The following PLXNA4 variants were observed in gnomAD, a reference collection of about 807,000 sequenced individuals.
PLXNA4 encodes plexin-A4.
A neutral mutation model predicts 191.8 loss-of-function variants in PLXNA4; 44 were observed. The ratio of observed to expected loss-of-function variants is 0.23; its 90% CI spans 0.18 to 0.29. PLXNA4 has a LOEUF of 0.29. PLXNA4 is among the 10% of genes least tolerant of loss of function. The pLI, the probability that PLXNA4 is intolerant of heterozygous loss-of-function variation, is 1.00. For synonymous variants in PLXNA4, 1,082 were observed against 1,009.5 expected (o/e 1.07, Z -1.36); for missense variants, 1,800 against 2,488.8 (o/e 0.72, Z 5.89).
rs143658006 is a variant in PLXNA4 at position 132,260,698 on chromosome 7, G to A, written c.1504-19532C>T. Among the ~76,000 whole-genome samples, 696 of 152,162 alleles carry A rather than the reference G, an allele frequency of 4.6e-3. 5 individuals are homozygous for A. The highest frequency in any genetic ancestry group is 0.016 in the African/African-American group (671 of 41,510). ...ATTAAAAAAAAAAAAAGGATCTGTG[G>A]TTTTCAGGGGTTGGACGGGGTTGTG... is the stretch of plus-strand genomic sequence containing the variant. On this transcript the variant is annotated intron_variant, in intron 4 of 31. Transcript: ENST00000321063.
At chr7:132,579,523 C>CTTTTT (rs540721748), upstream of PLXNA4, among the ~76,000 whole-genome samples, 5 of 126,188 alleles carry the variant, frequency 4.0e-5, no homozygotes, top group African/African-American at 1.5e-4. Flanking sequence ...AGTCAAAGAC[C>CTTTTT]TTTTTTTTTT....
chr7:132,293,663 A>G (rs1374608579), intron 4 of PLXNA4, among the ~76,000 whole-genome samples: 2 of 152,236 alleles, frequency 1.3e-5, no homozygotes, highest in Non-Finnish European at 2.9e-5. Context: ...CTGGTATGTA[A>G]GAATGGACAG....
chr7:132,564,499 G>T (rs1296816922), intron 1 of PLXNA4, among the ~76,000 whole-genome samples: 1 of 151,822 alleles, frequency 6.6e-6, no homozygotes, highest in African/African-American at 2.4e-5. Context: ...CCCTCTTCAT[G>T]CCCCAGTCTC....
intron 2 of PLXNA4, among the ~76,000 whole-genome samples, chr7:132,496,881 C>G (rs1798038490): frequency 6.6e-6 from 1 of 152,174 alleles, no homozygotes; most frequent in Admixed American, 6.5e-5. Flanking sequence ...AACCAACTCT[C>G]CCCTCCCAAG....
chr7:132,504,125 A>G (rs1384326055), intron 2 of PLXNA4, among the ~76,000 whole-genome samples: 2 of 152,198 alleles, frequency 1.3e-5, no homozygotes, highest in African/African-American at 4.8e-5. Context: ...CTCCAATGGG[A>G]GCACAGCCGG....
chr7:132,288,979 G>A (rs575326787), intron 4 of PLXNA4, among the ~76,000 whole-genome samples: 3 of 152,262 alleles, frequency 2.0e-5, no homozygotes, highest in South Asian at 2.1e-4. Flanking sequence ...TCACACAGGG[G>A]GTCCCTGGTG....
At chr7:132,139,233 A>AAAAAC (rs10658486) in intron 30 of PLXNA4, among the ~76,000 whole-genome samples, 6,497 of 152,266 alleles carry the variant, frequency 0.043, 247 homozygotes, top group African/African-American at 0.1. Flanking sequence ...GGGGAGAGGG[A>AAAAAC]AAAACAAAAT....
chr7:132,397,904 G>A (rs1438055461), intron 3 of PLXNA4, among the ~76,000 whole-genome samples: 4 of 152,238 alleles, frequency 2.6e-5, no homozygotes, highest in Non-Finnish European at 4.4e-5. Context: ...CAACCGGAAG[G>A]AAATTGGAAT....
chr7:132,248,617 T>G (rs1799139895), intron 4 of PLXNA4, among the ~76,000 whole-genome samples: 1 of 152,164 alleles, frequency 6.6e-6, no homozygotes, highest in Non-Finnish European at 1.5e-5. Flanking sequence ...CAGAAATTAT[T>G]GAAAGCCAGA....
chr7:132,623,321 G>C (rs1803307443), intron 2 of PLXNA4, among the ~76,000 whole-genome samples: 1 of 151,526 alleles, frequency 6.6e-6, no homozygotes, highest in Non-Finnish European at 1.5e-5. Flanking sequence ...ACTCCAGCCT[G>C]GGTGACAAGA....
rs758095567 is a variant in PLXNA4, at chr7:132,431,842, C to G, written c.1371+57450G>C. On this transcript the variant is annotated intron_variant, in intron 3 of 31. Coordinates refer to ENST00000321063, the MANE Select transcript of PLXNA4 (RefSeq NM_020911.2). Reference sequence around the variant, plus strand: ...GAGATAATGTGTGTTCAGCACAGACCGTAGCCCAGTGCTACAGAGGAATCT... The same window carrying G: ...GAGATAATGTGTGTTCAGCACAGACGGTAGCCCAGTGCTACAGAGGAATCT... Among the ~76,000 whole-genome samples, 6 of 152,160 alleles carry G rather than the reference C, an allele frequency of 3.9e-5. No individual in the cohort carries two copies. The South Asian group carries it at 1.2e-3, about 32-fold the overall frequency.
At chr7:132,358,113 A>C (rs909879093) in intron 3 of PLXNA4, among the ~76,000 whole-genome samples, 1 of 152,232 alleles carries the variant, frequency 6.6e-6, no homozygotes, top group Non-Finnish European at 1.5e-5. Context: ...TAGAATCCAA[A>C]ATGAAGTCTT....
At chr7:132,355,146 G>C (rs1803647639) in intron 3 of PLXNA4, among the ~76,000 whole-genome samples, 1 of 152,184 alleles carries the variant, frequency 6.6e-6, no homozygotes. Flanking sequence ...ATCTCCAGCA[G>C]GTAATGCACT....
intron 3 of PLXNA4, among the ~76,000 whole-genome samples, chr7:132,429,675 A>T (rs1176350181): frequency 6.6e-6 from 1 of 152,218 alleles, no homozygotes; most frequent in Non-Finnish European, 1.5e-5. Context: ...GATCCAGTCC[A>T]TGGGTTGGAG....
intron 1 of PLXNA4, among the ~76,000 whole-genome samples, chr7:132,562,523 C>T (rs1801250265): frequency 7.7e-6 from 1 of 129,366 alleles, no homozygotes; most frequent in Non-Finnish European, 1.6e-5. Flanking sequence ...CCTCCTCTTC[C>T]TCCTCCTTCT....
At chr7:132,262,737 A>T (rs1799694899) in intron 4 of PLXNA4, among the ~76,000 whole-genome samples, 1 of 151,778 alleles carries the variant, frequency 6.6e-6, no homozygotes, top group African/African-American at 2.4e-5. Flanking sequence ...ATTTCGGGGG[A>T]AGGGGGAGCT....
intron 16 of PLXNA4, 56 bp downstream of exon 16, chr7:132,185,243 C>G: frequency 6.4e-7 from 1 of 1,551,346 alleles, no homozygotes; most frequent in Non-Finnish European, 8.7e-7. Flanking sequence ...TTTCAAGAGT[C>G]AGGGAAGGGA....
At chr7:132,256,317 G>A (rs942690830) in intron 4 of PLXNA4, among the ~76,000 whole-genome samples, 10 of 152,254 alleles carry the variant, frequency 6.6e-5, no homozygotes, top group Admixed American at 3.3e-4. Context: ...CAGGTAGCAT[G>A]CCATACGTGG....
At chr7:132,159,385 AC>A in intron 25 of PLXNA4, 87 bp downstream of exon 25, 2 of 1,560,764 alleles carry the variant, frequency 1.3e-6, no homozygotes, top group Non-Finnish European at 1.7e-6. Context: ...TCAGATCTCT[AC>A]CCCAGCCCTG....
Sources: allele counts gnomAD v4.1 joint callset (sites outside exome capture counted in the v4.1 genomes callset), GRCh38; gene constraint gnomAD v4.1.1; transcripts MANE v1.5; gene names NCBI Gene and HGNC (gene_info 2026-07-23, HGNC 2026-07-21).